ENO1: variants seen among roughly 807,000 people sequenced by gnomAD.
ENO1 encodes enolase 1.
ENO1 carries 33 observed loss-of-function variants against 46.3 expected under a neutral mutation model. That is an observed-to-expected ratio of 0.71 (90% CI 0.54 to 0.95). The LOEUF (loss-of-function observed/expected upper bound fraction) is 0.95. Ranked by LOEUF, ENO1 falls within the 40% of genes least tolerant of loss-of-function variation. ENO1 has a pLI of 0.00. For synonymous variants in ENO1, 220 were observed against 216.0 expected, an observed-to-expected ratio of 1.02 and a Z score of -0.16; for missense variants, 488 against 553.3, an observed-to-expected ratio of 0.88 and a Z score of 1.18.
chr1:8,878,670 G>A lies in ENO1; in HGVS notation c.-100C>T, dbSNP rs551119714. On this transcript the variant is annotated 5_prime_UTR_variant, in exon 1 of 12. Transcript: ENST00000234590. ...AAAGCCGGCGAGATCTCCGTGCTCCGGGTACCCACAGATACTGTCCGCGCC... is the reference window on the plus strand; with the variant it reads ...AAAGCCGGCGAGATCTCCGTGCTCCAGGTACCCACAGATACTGTCCGCGCC... The A allele has an allele frequency of 1.1e-5, 5 of 456,048 alleles. No homozygotes were observed. Among genetic ancestry groups the A allele is most frequent in the Admixed American group, 9.4e-5 (4 of 42,570 alleles). 28.3% of individuals were successfully genotyped at this position (456,048 alleles called of 1,614,324 possible). A position where few individuals can be genotyped will look rare whatever the true frequency, so the allele number is the denominator to read the frequency against.
chr1:8,870,126 T>G (rs1002792249), intron 4 of ENO1: 3 of 334,776 alleles, frequency 9.0e-6, no homozygotes, highest in Non-Finnish European at 1.1e-5. Flanking sequence ...TTAGTCACCA[T>G]GGACACTACC....
chr1:8,878,313 C>G, intron 1 of ENO1: 1 of 275,512 alleles, frequency 3.6e-6, no homozygotes, highest in South Asian at 3.1e-5. Context: ...TGACTCGGCC[C>G]CGCAGTCGGT....
In ENO1 at chr1:8,877,855, C is replaced by G. The variant is rs568992692; in HGVS notation, c.-10+725G>C. On this transcript the variant is annotated intron_variant, in intron 1 of 11. Coordinates refer to ENST00000234590, the MANE Select transcript of ENO1 (RefSeq NM_001428.5). ...CGAGATCGCGCAATTGCACTCCAGC[C>G]TGGGCAACAATAGCAAAACTCAAAA... is the stretch of plus-strand genomic sequence containing the variant. 48 of 148,796 alleles carry G rather than the reference C, an allele frequency of 3.2e-4. No individual in the cohort carries two copies. The Admixed American group carries it at 3.2e-3, about 10-fold the overall frequency. The allele number at this position is 148,796 out of a possible 1,614,324, so 9.2% of individuals were successfully genotyped here. A position where few individuals can be genotyped will look rare whatever the true frequency, so the allele number is the denominator to read the frequency against.
intron 4 of ENO1, among the ~76,000 whole-genome samples, chr1:8,869,985 TCC>T (rs1258550777): frequency 6.6e-6 from 1 of 152,160 alleles, no homozygotes; most frequent in Non-Finnish European, 1.5e-5. Context: ...GGTTGCTGGG[TCC>T]CCAGCCCTAC....
intron 3 of ENO1, chr1:8,871,114 A>C: frequency 1.7e-6 from 2 of 1,186,414 alleles, no homozygotes; most frequent in East Asian, 3.6e-5. Context: ...CAACGGTCAA[A>C]TGGTAACATG....
intron 8 of ENO1, 105 bp downstream of exon 8, chr1:8,865,180 C>G (rs1483502768): frequency 1.4e-6 from 2 of 1,399,370 alleles, no homozygotes; most frequent in Non-Finnish European, 2.0e-6. Flanking sequence ...TCAGACACTC[C>G]CTCCCCATCC....
At chr1:8,867,612 G>A (rs1294581467) in intron 5 of ENO1, among the ~76,000 whole-genome samples, 1 of 151,596 alleles carries the variant, frequency 6.6e-6, no homozygotes, top group Non-Finnish European at 1.5e-5. Flanking sequence ...CTGCAGTGCA[G>A]CGGCAGGATC....
At chr1:8,876,588 T>G (rs1470044191) in intron 1 of ENO1, among the ~76,000 whole-genome samples, 2 of 152,158 alleles carry the variant, frequency 1.3e-5, no homozygotes, top group African/African-American at 2.4e-5. Flanking sequence ...TGTTTTCATT[T>G]TAGTGACTTA....
At chr1:8,867,000 G>T (rs1569904017) in intron 6 of ENO1, 117 bp downstream of exon 6, 1 of 1,451,118 alleles carries the variant, frequency 6.9e-7, no homozygotes, top group Non-Finnish European at 9.3e-7. Flanking sequence ...ACAAGGGGCA[G>T]AGCTGTGCTG....
chr1:8,868,925 C>T (rs1642576528), intron 4 of ENO1, among the ~76,000 whole-genome samples: 1 of 152,120 alleles, frequency 6.6e-6, no homozygotes, highest in East Asian at 1.9e-4. Context: ...GATCTGCCCA[C>T]CTCAGCCTCC....
At chr1:8,873,739 G>C (rs915963444) in intron 2 of ENO1, 1 of 152,264 alleles carries the variant, frequency 6.6e-6, no homozygotes, top group Admixed American at 6.5e-5. Context: ...GGGAAGGGAA[G>C]GGCTGGGGTT....
chr1:8,878,089 C>G (rs937823501), intron 1 of ENO1: 1 of 155,010 alleles, frequency 6.5e-6, no homozygotes, highest in African/African-American at 2.4e-5. Context: ...GAGGCGGGGG[C>G]TACCGGTGGG....
chr1:8,875,062 G>T (rs1029728434), intron 1 of ENO1, 145 bp from the exon 2 acceptor site: 5 of 614,004 alleles, frequency 8.1e-6, no homozygotes, highest in South Asian at 6.2e-5. Context: ...TGGCTAGGGT[G>T]GGGGGAAAAG....
intron 4 of ENO1, 98 bp downstream of exon 4, chr1:8,870,354 G>A (rs1642604061): frequency 6.8e-7 from 1 of 1,476,306 alleles, no homozygotes; most frequent in Admixed American, 1.8e-5. Flanking sequence ...GGCTTCTACA[G>A]CTCTCAGAAT....
In ENO1 at chr1:8,870,484, T is replaced by C; in HGVS notation, c.208A>G (p.Asn70Asp). 6.2e-7 allele frequency: 1 copy of C among 1,614,232 alleles called. No individual in the cohort carries two copies. The highest frequency in any genetic ancestry group is 8.5e-7 in the Non-Finnish European group (1 of 1,180,042). ...KGVSKAVEHI[N>D]KTIAPALVSK... ...ACCAGGGCAGGCGCAATAGTTTTAT[T>C]GATGTGCTCAACAGCCTTTGAGACA... is the stretch of plus-strand genomic sequence containing the variant. Residue 70 changes from asparagine (N) to aspartate (D), a missense_variant, in exon 4 of 12, where the codon AAT becomes GAT. Coordinates refer to ENST00000234590, the MANE Select transcript of ENO1 (RefSeq NM_001428.5).
chr1:8,861,156 G>A lies in ENO1; in HGVS notation c.*204C>T. ...AATGACTTGGGCCAATTACACGACT[G>A]CAAAGCTAGAGCTGCCAACAGGGCT... is the stretch of plus-strand genomic sequence containing the variant. On this transcript the variant is annotated 3_prime_UTR_variant, in exon 12 of 12. Coordinates refer to ENST00000234590, the MANE Select transcript of ENO1 (RefSeq NM_001428.5). The A allele has an allele frequency of 3.7e-6, 2 of 540,046 alleles. No homozygotes were observed. The highest frequency in any genetic ancestry group is 3.3e-6 in the Non-Finnish European group (1 of 304,332). 33.5% of individuals were successfully genotyped at this position (540,046 alleles called of 1,614,324 possible). A position where few individuals can be genotyped will look rare whatever the true frequency, so the allele number is the denominator to read the frequency against.
chr1:8,866,089 A>G (rs976548209), intron 7 of ENO1, 190 bp downstream of exon 7: 8 of 550,950 alleles, frequency 1.5e-5, no homozygotes, highest in South Asian at 2.8e-5. Context: ...AAAAAAAAAA[A>G]AAAAGAAAAA....
intron 4 of ENO1, among the ~76,000 whole-genome samples, chr1:8,869,280 T>A (rs1460917952): frequency 1.4e-5 from 2 of 148,058 alleles, no homozygotes; most frequent in Non-Finnish European, 1.5e-5. Flanking sequence ...TATGCAGGGG[T>A]ATGAAGGGAC....
chr1:8,871,026 G>C, intron 3 of ENO1: 1 of 1,239,510 alleles, frequency 8.1e-7, no homozygotes, highest in Non-Finnish European at 1.0e-6. Flanking sequence ...TTCCACAAAT[G>C]CTTACTTACT....
Sources: gnomAD v4.1 joint callset for allele counts (sites outside exome capture counted in the v4.1 genomes callset) on GRCh38, gnomAD v4.1.1 for gene constraint, MANE v1.5 for transcripts, NCBI Gene and HGNC (gene_info 2026-07-23, HGNC 2026-07-21) for gene names.